The following CDH18 variants were observed in gnomAD, a reference collection of about 807,000 sequenced individuals.
The protein encoded by CDH18 is cadherin 18, also known as cadherin-18.
CDH18 carries 31 observed loss-of-function variants against 67.9 expected under a neutral mutation model. The ratio of observed to expected loss-of-function variants is 0.46; its 90% CI spans 0.34 to 0.62. The LOEUF is 0.62. Among genes scored for constraint, CDH18 ranks in the 20% least tolerant of loss-of-function variants. CDH18 has a pLI of 0.01. For missense variants in CDH18, 890 were observed against 975.5 expected (o/e 0.91, Z 1.17); for synonymous variants, 362 against 347.2 (o/e 1.04, Z -0.48).
intron 2 of CDH18, among the ~76,000 whole-genome samples, chr5:20,200,091 C>T (rs1027901723): frequency 2.6e-5 from 4 of 152,130 alleles, no homozygotes; most frequent in African/African-American, 9.7e-5. Context: ...TGTGTTCTAA[C>T]AAAAATGATG....
chr5:19,507,571 A>C (rs916028648), intron 10 of CDH18, among the ~76,000 whole-genome samples: 1 of 152,192 alleles, frequency 6.6e-6, no homozygotes, highest in African/African-American at 2.4e-5. Context: ...AATACTATGC[A>C]GCCATAAAAA....
At chr5:19,889,715 G>A (rs1788583405) in intron 2 of CDH18, among the ~76,000 whole-genome samples, 1 of 152,054 alleles carries the variant, frequency 6.6e-6, no homozygotes, top group African/African-American at 2.4e-5. Flanking sequence ...TTAGAAAAAT[G>A]AGATCTAGCA....
intron 3 of CDH18, among the ~76,000 whole-genome samples, chr5:19,760,327 T>C (rs1215340246): frequency 6.6e-6 from 1 of 152,184 alleles, no homozygotes; most frequent in African/African-American, 2.4e-5. Flanking sequence ...GTATATCTTC[T>C]GGACTCTCCC....
intron 2 of CDH18, among the ~76,000 whole-genome samples, chr5:19,887,866 C>T (rs1230978501): frequency 1.3e-5 from 2 of 151,998 alleles, no homozygotes; most frequent in African/African-American, 2.4e-5. Context: ...AACCACCACA[C>T]CCAGGGTCTT....
At chr5:20,175,438 A>G (rs1051803813) in intron 2 of CDH18, among the ~76,000 whole-genome samples, 1 of 152,156 alleles carries the variant, frequency 6.6e-6, no homozygotes, top group African/African-American at 2.4e-5. Flanking sequence ...AATTTATGTC[A>G]TAAGACAATC....
intron 11 of CDH18, 105 bp from the exon 12 acceptor site, chr5:19,483,657 G>A (rs1739878233): frequency 8.1e-7 from 1 of 1,236,058 alleles, no homozygotes; most frequent in African/African-American, 1.5e-5. Flanking sequence ...TCTTGTTTCA[G>A]TTTATGAAAT....
At chr5:20,536,306 T>C (rs1279879973) in intron 1 of CDH18, among the ~76,000 whole-genome samples, 1 of 152,150 alleles carries the variant, frequency 6.6e-6, no homozygotes, top group East Asian at 1.9e-4. Flanking sequence ...AATAATACTC[T>C]AGCAAAAATA....
At chr5:20,319,691 T>C (rs534302699) in intron 1 of CDH18, among the ~76,000 whole-genome samples, 2 of 152,286 alleles carry the variant, frequency 1.3e-5, no homozygotes, top group Admixed American at 6.5e-5. Flanking sequence ...TCAGCCTCTT[T>C]CAGCTTTCAT....
chr5:20,069,831 A>G (rs1743317075), intron 2 of CDH18, among the ~76,000 whole-genome samples: 1 of 152,170 alleles, frequency 6.6e-6, no homozygotes, highest in Admixed American at 6.5e-5. Context: ...AGCCTCTCCC[A>G]TTATTAATGT....
chr5:20,133,740 A>T (rs1429229179), intron 2 of CDH18, among the ~76,000 whole-genome samples: 1 of 151,932 alleles, frequency 6.6e-6, no homozygotes, highest in Non-Finnish European at 1.5e-5. Flanking sequence ...TATTTTTTAT[A>T]TTTTATGTAC....
intron 11 of CDH18, among the ~76,000 whole-genome samples, chr5:19,492,876 T>G (rs191160598): frequency 6.6e-6 from 1 of 152,256 alleles, no homozygotes; most frequent in East Asian, 1.9e-4. Context: ...AATTTGGTAC[T>G]AAAGCAACTA....
At chr5:20,436,454 C>G (rs557299987) in intron 1 of CDH18, among the ~76,000 whole-genome samples, 8 of 151,678 alleles carry the variant, frequency 5.3e-5, no homozygotes, top group Non-Finnish European at 1.0e-4. Flanking sequence ...TTCACTGTTC[C>G]CATGAAAATA....
At chr5:19,648,875 T>C (rs1755179727) in intron 5 of CDH18, among the ~76,000 whole-genome samples, 2 of 152,108 alleles carry the variant, frequency 1.3e-5, no homozygotes, top group Non-Finnish European at 2.9e-5. Flanking sequence ...CATTTATATA[T>C]TTATTTAATG....
intron 2 of CDH18, among the ~76,000 whole-genome samples, chr5:19,957,649 C>A (rs958713524): frequency 6.6e-6 from 1 of 151,690 alleles, no homozygotes; most frequent in Non-Finnish European, 1.5e-5. Context: ...CTCCAATAAT[C>A]TAGTATTTGG....
At chr5:20,142,599 G>T (rs1177657306) in intron 2 of CDH18, among the ~76,000 whole-genome samples, 1 of 151,024 alleles carries the variant, frequency 6.6e-6, no homozygotes, top group African/African-American at 2.4e-5. Flanking sequence ...AAAAAAGAAA[G>T]AAAGAAAAGT....
intron 3 of CDH18, among the ~76,000 whole-genome samples, chr5:19,795,413 G>C (rs1049153086): frequency 3.9e-4 from 60 of 152,118 alleles, no homozygotes; most frequent in African/African-American, 1.4e-3. Flanking sequence ...TCCACATGAT[G>C]GCTCCACCAA....
chr5:20,491,031 G>A (rs1489140756), intron 1 of CDH18, among the ~76,000 whole-genome samples: 1 of 151,892 alleles, frequency 6.6e-6, no homozygotes, highest in Non-Finnish European at 1.5e-5. Context: ...TATTTTCATG[G>A]AACAATTATA....
intron 5 of CDH18, among the ~76,000 whole-genome samples, chr5:19,663,463 C>A (rs572956456): frequency 1.3e-5 from 2 of 152,010 alleles, no homozygotes; most frequent in East Asian, 3.9e-4. Context: ...ATACATACAT[C>A]TATATTTTTA....
At chr5:20,183,708 TTAAC>T (rs1737873838) in intron 2 of CDH18, among the ~76,000 whole-genome samples, 1 of 152,094 alleles carries the variant, frequency 6.6e-6, no homozygotes, top group African/African-American at 2.4e-5. Flanking sequence ...AGTTTTCTGT[TTAAC>T]TAGACTTTTA....
Sources: gnomAD v4.1 joint callset for allele counts (sites outside exome capture counted in the v4.1 genomes callset) on GRCh38, gnomAD v4.1.1 for gene constraint, MANE v1.5 for transcripts, NCBI Gene and HGNC (gene_info 2026-07-23, HGNC 2026-07-21) for gene names.